Variants in THSD4 observed in about 807,000 individuals in gnomAD.
THSD4 encodes the protein thrombospondin type-1 domain-containing protein 4.
In THSD4, 69 loss-of-function variants were observed where a neutral mutation model predicts 119.0. The observed-to-expected ratio is 0.58, with a 90% confidence interval of 0.48 to 0.71. The LOEUF (loss-of-function observed/expected upper bound fraction) is 0.71. THSD4 is among the 30% of genes least tolerant of loss of function. THSD4 has a pLI of 0.00. For missense variants in THSD4, 1,393 were observed against 1,391.1 expected (o/e 1.00, Z -0.02); for synonymous variants, 524 against 540.4 (o/e 0.97, Z 0.42).
chr15:71,416,164 T>C (rs771284692), intron 7 of THSD4, among the ~76,000 whole-genome samples: 1 of 152,244 alleles, frequency 6.6e-6, no homozygotes, highest in African/African-American at 2.4e-5. Context: ...ATCTATGCTG[T>C]TGCAAATGAC....
In THSD4 at chr15:71,272,121, G is replaced by T. The variant is rs944637914; in HGVS notation, c.1015+15406G>T. 5.9e-5 allele frequency among the ~76,000 whole-genome samples: 9 copies of T among 152,146 alleles called. No individual in the cohort carries two copies. The South Asian group carries it at 1.7e-3, about 28-fold the overall frequency. On this transcript the variant is annotated intron_variant, in intron 6 of 17. Transcript: ENST00000261862. ...AACAACTCTTAAAAATGGGCAAAGG[G>T]GCTGGGTGTGGTGGCTCACACCTGT...
intron 7 of THSD4, among the ~76,000 whole-genome samples, chr15:71,423,700 C>T (rs914498089): frequency 2.0e-5 from 3 of 152,274 alleles, no homozygotes; most frequent in Non-Finnish European, 4.4e-5. Flanking sequence ...CACTAGGTTT[C>T]GTGCCCCCCA....
chr15:71,577,710 T>TTTTATGTTATGTTATGTTATG (rs1176297693), intron 7 of THSD4, among the ~76,000 whole-genome samples: 3 of 71,430 alleles, frequency 4.2e-5, no homozygotes, highest in African/African-American at 1.3e-4. Context: ...CCTTTATTTA[T>TTTTATGTTATGTTATGTTATG]TTATTTTATT....
intron 6 of THSD4, among the ~76,000 whole-genome samples, chr15:71,283,824 G>T (rs974436070): frequency 1.3e-5 from 2 of 152,190 alleles, no homozygotes; most frequent in Non-Finnish European, 2.9e-5. Flanking sequence ...ACAGTGGGCT[G>T]CATTGCTGGG....
At chr15:71,345,277 A>G (rs1056403662) in intron 6 of THSD4, among the ~76,000 whole-genome samples, 94 of 152,178 alleles carry the variant, frequency 6.2e-4, no homozygotes, top group African/African-American at 2.2e-3. Context: ...GGCCTGCCAG[A>G]TAGAAAGGGC....
chr15:71,429,776 G>A (rs2046918158), intron 7 of THSD4, among the ~76,000 whole-genome samples: 1 of 152,148 alleles, frequency 6.6e-6, no homozygotes, highest in African/African-American at 2.4e-5. Flanking sequence ...GTAGCTGAAT[G>A]GTAAAAGATC....
At chr15:71,380,847 T>C (rs2046219618) in intron 6 of THSD4, among the ~76,000 whole-genome samples, 1 of 152,182 alleles carries the variant, frequency 6.6e-6, no homozygotes, top group South Asian at 2.1e-4. Flanking sequence ...CCAAACCAAC[T>C]GTTAGCTGCT....
chr15:71,771,721 G>A (rs1339466443), intron 17 of THSD4, among the ~76,000 whole-genome samples: 1 of 152,192 alleles, frequency 6.6e-6, no homozygotes, highest in Non-Finnish European at 1.5e-5. Flanking sequence ...GTGACAGCAG[G>A]AAGATCTAGG....
At chr15:71,203,908 C>T (rs911919000) in intron 3 of THSD4, among the ~76,000 whole-genome samples, 2 of 152,182 alleles carry the variant, frequency 1.3e-5, no homozygotes, top group Non-Finnish European at 2.9e-5. Context: ...TGAATATTGA[C>T]CCAGATGCAG....
intron 7 of THSD4, among the ~76,000 whole-genome samples, chr15:71,507,826 C>G (rs1567013491): frequency 6.6e-6 from 1 of 152,206 alleles, no homozygotes; most frequent in African/African-American, 2.4e-5. Flanking sequence ...AATTAGACTG[C>G]AGGACTTTAG....
chr15:71,658,300 C>T (rs924014552), intron 7 of THSD4, among the ~76,000 whole-genome samples: 1 of 152,212 alleles, frequency 6.6e-6, no homozygotes, highest in Non-Finnish European at 1.5e-5. Flanking sequence ...TGCACTTCAG[C>T]CGTGTCATTC....
At chr15:71,344,157 G>A (rs977001541) in intron 6 of THSD4, among the ~76,000 whole-genome samples, 2 of 151,300 alleles carry the variant, frequency 1.3e-5, no homozygotes, top group African/African-American at 4.9e-5. Flanking sequence ...TCCTGCCTCA[G>A]CCTCCCGAGT....
At chr15:71,466,031 C>G (rs1353823933) in intron 7 of THSD4, among the ~76,000 whole-genome samples, 2 of 152,086 alleles carry the variant, frequency 1.3e-5, no homozygotes, top group Non-Finnish European at 2.9e-5. Flanking sequence ...TTCTCCCCTT[C>G]TTTCACTTAG....
chr15:71,320,882 G>A (rs2045257824), intron 6 of THSD4, among the ~76,000 whole-genome samples: 1 of 151,882 alleles, frequency 6.6e-6, no homozygotes, highest in Admixed American at 6.6e-5. Context: ...GTCTTCAATT[G>A]TGTCTAGCTA....
intron 7 of THSD4, among the ~76,000 whole-genome samples, chr15:71,465,880 G>A (rs1190648175): frequency 2.0e-5 from 3 of 152,284 alleles, no homozygotes; most frequent in South Asian, 2.1e-4. Flanking sequence ...ACTTCCATGG[G>A]GGGTAGGTCC....
At position 71,417,086 on chromosome 15, in the gene THSD4, A is replaced by G. The variant is rs1247738921; in HGVS notation, c.1152+5263A>G. On this transcript the variant is annotated intron_variant, in intron 7 of 17. Transcript: ENST00000261862. Reference sequence around the variant, plus strand: ...GCCCATTTTAAAATCAGATTATTAGATATTTTTCCTATAGAGTTGTTTGAG... The same window carrying G: ...GCCCATTTTAAAATCAGATTATTAGGTATTTTTCCTATAGAGTTGTTTGAG... Among the ~76,000 whole-genome samples the G allele has an allele frequency of 1.9e-5, 2 of 103,076 alleles. 1 individual carries two copies. Among genetic ancestry groups the G allele is most frequent in the Non-Finnish European group, 4.3e-5 (2 of 46,936 alleles). 67.6% of individuals were successfully genotyped at this position (103,076 alleles called of 152,430 possible).
intron 7 of THSD4, among the ~76,000 whole-genome samples, chr15:71,490,432 T>C (rs1416255592): frequency 4.6e-5 from 7 of 151,824 alleles, no homozygotes; most frequent in African/African-American, 1.7e-4. Context: ...TGGTGGCGGG[T>C]GCCTGTAGTC....
At chr15:71,286,842 A>G (rs2044723989) in intron 6 of THSD4, among the ~76,000 whole-genome samples, 12 of 152,184 alleles carry the variant, frequency 7.9e-5, no homozygotes. Flanking sequence ...GATAATAGCC[A>G]TTCTGACTGG....
At chr15:71,556,703 T>C (rs1644466573) in intron 7 of THSD4, among the ~76,000 whole-genome samples, 1 of 151,144 alleles carries the variant, frequency 6.6e-6, no homozygotes, top group African/African-American at 2.4e-5. Context: ...AGGCTGACGC[T>C]GCAGTGAGCC....
Sources: allele counts gnomAD v4.1 joint callset (sites outside exome capture counted in the v4.1 genomes callset), GRCh38; gene constraint gnomAD v4.1.1; transcripts MANE v1.5; gene names NCBI Gene and HGNC (gene_info 2026-07-23, HGNC 2026-07-21).